ZNF804B: variants seen among roughly 807,000 people sequenced by gnomAD.
ZNF804B encodes zinc finger protein 804B, also known as zinc finger 804B.
Under a neutral mutation model 101.4 loss-of-function variants are expected in ZNF804B, and 80 were observed. The observed-to-expected ratio is 0.79, with a 90% CI of 0.66 to 0.95. ZNF804B has a LOEUF of 0.95. Ranked by LOEUF, ZNF804B falls within the 40% of genes least tolerant of loss-of-function variation. The pLI is 0.00. For missense variants in ZNF804B, 1,673 were observed against 1,561.9 expected, an observed-to-expected ratio of 1.07 and a Z score of -1.20; for synonymous variants, 622 against 558.8, an observed-to-expected ratio of 1.11 and a Z score of -1.59.
At chr7:88,914,142 A>G (rs1792595765) in intron 1 of ZNF804B, among the ~76,000 whole-genome samples, 1 of 152,138 alleles carries the variant, frequency 6.6e-6, no homozygotes, top group Non-Finnish European at 1.5e-5. Flanking sequence ...ATTCCCTTAT[A>G]TCAGTTCACC....
rs534087833 is a variant in ZNF804B at position 89,194,183 on chromosome 7, G to C, written c.109-23972G>C. Among the ~76,000 whole-genome samples the C allele has an allele frequency of 2.1e-3, 314 of 152,102 alleles. 1 individual carries two copies. Among genetic ancestry groups the C allele is most frequent in the African/African-American group, 7.2e-3 (300 of 41,514 alleles). On this transcript the variant is annotated intron_variant, in intron 1 of 3. Transcript: ENST00000333190. Reference sequence around the variant, plus strand: ...TTGTTTGTTTTTTTCTTGTAAATTTGTTTGAGTTCATTGTAGATTCTGGAT... The same window carrying C: ...TTGTTTGTTTTTTTCTTGTAAATTTCTTTGAGTTCATTGTAGATTCTGGAT...
intron 1 of ZNF804B, among the ~76,000 whole-genome samples, chr7:88,854,414 C>CCTTTCTTCCTTCCTTCCTTTCTTT (rs1791502773): frequency 5.3e-5 from 3 of 57,076 alleles, no homozygotes; most frequent in African/African-American, 1.9e-4. Context: ...TTTCTTTCTT[C>CCTTTCTTCCTTCCTTCCTTTCTTT]CTTTCTTTCT....
At chr7:88,982,671 A>C (rs1038233707) in intron 1 of ZNF804B, among the ~76,000 whole-genome samples, 1 of 152,046 alleles carries the variant, frequency 6.6e-6, no homozygotes, top group Non-Finnish European at 1.5e-5. Flanking sequence ...ACCCCTCTAA[A>C]GGCTCTATGT....
At chr7:89,232,211 G>A (rs1226305253) in intron 2 of ZNF804B, among the ~76,000 whole-genome samples, 1 of 152,012 alleles carries the variant, frequency 6.6e-6, no homozygotes, top group Non-Finnish European at 1.5e-5. Context: ...TCTTTATTCT[G>A]TTAATGTGGT....
intron 1 of ZNF804B, among the ~76,000 whole-genome samples, chr7:88,983,390 T>C (rs1793718468): frequency 6.6e-6 from 1 of 152,064 alleles, no homozygotes; most frequent in African/African-American, 2.4e-5. Flanking sequence ...GAGTTTTCAA[T>C]TCAGTACATC....
At chr7:88,914,842 G>T (rs891467507) in intron 1 of ZNF804B, among the ~76,000 whole-genome samples, 4 of 152,082 alleles carry the variant, frequency 2.6e-5, no homozygotes, top group Non-Finnish European at 5.9e-5. Context: ...TAAGCAATTT[G>T]TGTTGAGAAA....
intron 1 of ZNF804B, among the ~76,000 whole-genome samples, chr7:88,865,524 C>T (rs563609860): frequency 6.6e-6 from 1 of 152,016 alleles, no homozygotes; most frequent in Admixed American, 6.6e-5. Flanking sequence ...AGAGCAAGAC[C>T]CTGTTTCTTC....
chr7:89,016,423 C>T (rs1315251544), intron 1 of ZNF804B, among the ~76,000 whole-genome samples: 5 of 150,870 alleles, frequency 3.3e-5, no homozygotes, highest in Non-Finnish European at 7.4e-5. Flanking sequence ...ATGCCTATGT[C>T]CTGAATGGTA....
At chr7:89,064,403 G>A (rs1211917568) in intron 1 of ZNF804B, among the ~76,000 whole-genome samples, 6 of 152,084 alleles carry the variant, frequency 3.9e-5, no homozygotes, top group Admixed American at 1.3e-4. Context: ...TACCATAGTC[G>A]CTTTAGGTTT....
intron 1 of ZNF804B, chr7:88,794,119 G>GT (rs72289236): frequency 0.084 from 114,490 of 1,365,540 alleles, 5,350 homozygotes; most frequent in South Asian, 0.18. Context: ...CTTTAAAAAT[G>GT]TTTTTTTTAT....
At chr7:89,119,930 G>C (rs1392997720) in intron 1 of ZNF804B, among the ~76,000 whole-genome samples, 1 of 151,856 alleles carries the variant, frequency 6.6e-6, no homozygotes. Context: ...AGTGGGTTGA[G>C]TTCCTTTGAC....
At chr7:88,817,868 C>G (rs1419252891) in intron 1 of ZNF804B, among the ~76,000 whole-genome samples, 4 of 152,158 alleles carry the variant, frequency 2.6e-5, no homozygotes, top group African/African-American at 9.7e-5. Flanking sequence ...ACTGAAATTA[C>G]TGGTGTGATA....
chr7:89,314,001 T>C (rs1186945250), intron 2 of ZNF804B, among the ~76,000 whole-genome samples: 1 of 152,208 alleles, frequency 6.6e-6, no homozygotes, highest in East Asian at 1.9e-4. Context: ...TACATACCTC[T>C]ATTTCCCTAT....
chr7:89,206,790 G>A (rs1041294860), intron 1 of ZNF804B, among the ~76,000 whole-genome samples: 5 of 152,062 alleles, frequency 3.3e-5, no homozygotes, highest in Admixed American at 3.3e-4. Context: ...CCACAAAAAT[G>A]AATACTTTTA....
At chr7:89,166,294 C>G (rs1402926092) in intron 1 of ZNF804B, among the ~76,000 whole-genome samples, 1 of 152,280 alleles carries the variant, frequency 6.6e-6, no homozygotes, top group East Asian at 1.9e-4. Flanking sequence ...AACCCCTGCA[C>G]AGTCGAAAAT....
chr7:89,033,623 G>A (rs1419871730), intron 1 of ZNF804B, among the ~76,000 whole-genome samples: 4 of 151,670 alleles, frequency 2.6e-5, no homozygotes, highest in Admixed American at 6.6e-5. Context: ...AATATAGTTC[G>A]TTTCCCATTG....
At position 88,760,054 on chromosome 7, in the gene ZNF804B, A is replaced by G. The variant is rs758699728; in HGVS notation, c.78A>G (p.Gly26=). 4.3e-5 allele frequency: 70 copies of G among 1,613,806 alleles called. No homozygotes were observed. Among genetic ancestry groups the G allele is most frequent in the Non-Finnish European group, 5.4e-5 (64 of 1,179,974 alleles). ...HYRGIKGVFR[G]PLCKNGSPSP... ...GGGGCATTAAAGGAGTCTTCAGGGG[A>G]CCCCTGTGCAAGAACGGATCTCCCT... The change falls in exon 1 of 4, where the codon GGA becomes GGG. Residue 26 remains glycine, a synonymous_variant. Transcript: ENST00000333190.
At chr7:88,922,879 A>G (rs1792742009) in intron 1 of ZNF804B, among the ~76,000 whole-genome samples, 1 of 152,060 alleles carries the variant, frequency 6.6e-6, no homozygotes, top group African/African-American at 2.4e-5. Context: ...AGACAGATGC[A>G]AGTTATTCCT....
intron 1 of ZNF804B, among the ~76,000 whole-genome samples, chr7:89,195,528 A>T (rs1788532889): frequency 1.3e-5 from 2 of 150,228 alleles, no homozygotes; most frequent in Non-Finnish European, 3.0e-5. Context: ...AATCACAAGC[A>T]TTCTTATACA....
Sources: allele counts gnomAD v4.1 joint callset (sites outside exome capture counted in the v4.1 genomes callset), GRCh38; gene constraint gnomAD v4.1.1; transcripts MANE v1.5; gene names NCBI Gene and HGNC (gene_info 2026-07-23, HGNC 2026-07-21).